Variants in INPP4B observed in about 807,000 individuals in gnomAD.
INPP4B encodes the protein inositol polyphosphate 4-phosphatase type II.
Under a neutral mutation model 122.5 loss-of-function variants are expected in INPP4B, and 55 were observed. That is an observed-to-expected ratio of 0.45 (90% CI 0.36 to 0.56). INPP4B has a LOEUF of 0.56. Ranked by LOEUF, INPP4B falls within the 20% of genes least tolerant of loss-of-function variation. The pLI, the probability that INPP4B is intolerant of heterozygous loss-of-function variation, is 0.00. For synonymous variants in INPP4B, 403 were observed against 388.7 expected, an observed-to-expected ratio of 1.04 and a Z score of -0.43; for missense variants, 1,000 against 1,097.7, an observed-to-expected ratio of 0.91 and a Z score of 1.26.
chr4:142,173,627 C>A lies in INPP4B; in HGVS notation c.1359+5G>T. ...TCCCAACTATAGTGATGATTTGGAT[C>A]TTACTTTTTCTGAAAGCATCTTTAA... On this transcript the variant is annotated splice_donor_5th_base_variant and intron_variant, in intron 16 of 25. Coordinates refer to ENST00000262992, the MANE Select transcript of INPP4B (RefSeq NM_001101669.3). 6.2e-7 allele frequency: 1 copy of A among 1,609,584 alleles called. No homozygotes were observed.
intron 14 of INPP4B, chr4:142,202,726 GCTT>G (rs1165971266): frequency 2.0e-6 from 2 of 983,870 alleles, no homozygotes; most frequent in African/African-American, 1.7e-5. Flanking sequence ...TATTAGTTAA[GCTT>G]CTTTTCATAC....
At chr4:142,047,092 C>G (rs916682729) in intron 25 of INPP4B, among the ~76,000 whole-genome samples, 5 of 152,078 alleles carry the variant, frequency 3.3e-5, no homozygotes, top group African/African-American at 9.7e-5. Flanking sequence ...CTGACACTTG[C>G]AACGATTCTC....
chr4:142,037,069 C>T (rs1744404455), intron 25 of INPP4B, among the ~76,000 whole-genome samples: 1 of 152,148 alleles, frequency 6.6e-6, no homozygotes, highest in South Asian at 2.1e-4. Context: ...TAGTTTTGGC[C>T]ATCACCGTGG....
intron 2 of INPP4B, among the ~76,000 whole-genome samples, chr4:142,578,132 A>C (rs1024152259): frequency 3.9e-5 from 6 of 151,926 alleles, no homozygotes; most frequent in Non-Finnish European, 2.9e-5. Flanking sequence ...CATATACATA[A>C]TGATGTTTAT....
At chr4:142,060,066 G>T (rs1469106209) in intron 25 of INPP4B, among the ~76,000 whole-genome samples, 2 of 152,126 alleles carry the variant, frequency 1.3e-5, no homozygotes, top group Non-Finnish European at 2.9e-5. Flanking sequence ...ATACATACGT[G>T]ACTGATTTTT....
intron 25 of INPP4B, among the ~76,000 whole-genome samples, chr4:142,038,554 T>C (rs1745369104): frequency 2.6e-5 from 4 of 152,178 alleles, no homozygotes; most frequent in Admixed American, 2.6e-4. Flanking sequence ...GTACTTTTCT[T>C]GACATGGTAT....
At chr4:142,724,094 G>GA (rs982567776) in intron 2 of INPP4B, among the ~76,000 whole-genome samples, 17 of 151,602 alleles carry the variant, frequency 1.1e-4, no homozygotes, top group African/African-American at 2.7e-4. Context: ...TTACATAATA[G>GA]AAAAAAAACA....
intron 11 of INPP4B, among the ~76,000 whole-genome samples, chr4:142,253,330 A>C (rs1466748649): frequency 6.6e-6 from 1 of 152,162 alleles, no homozygotes; most frequent in Non-Finnish European, 1.5e-5. Flanking sequence ...TTCTTTCTTC[A>C]ATAATAAATT....
intron 25 of INPP4B, among the ~76,000 whole-genome samples, chr4:142,079,909 T>C (rs1401661412): frequency 2.0e-5 from 3 of 152,146 alleles, no homozygotes; most frequent in African/African-American, 7.2e-5. Context: ...AGGATCATAA[T>C]TAGCTAGATT....
At chr4:142,594,044 G>A (rs1018107537) in intron 2 of INPP4B, among the ~76,000 whole-genome samples, 4 of 152,028 alleles carry the variant, frequency 2.6e-5, no homozygotes, top group Non-Finnish European at 4.4e-5. Flanking sequence ...AATTGAACTA[G>A]TTATGATTGG....
intron 7 of INPP4B, among the ~76,000 whole-genome samples, chr4:142,323,264 C>T (rs932977707): frequency 1.3e-5 from 2 of 152,038 alleles, no homozygotes; most frequent in Middle Eastern, 3.2e-3. Context: ...ACCACAGACA[C>T]GTGCATCATA....
intron 1 of INPP4B, among the ~76,000 whole-genome samples, chr4:142,817,009 G>T (rs1418575819): frequency 6.6e-6 from 1 of 152,066 alleles, no homozygotes; most frequent in Non-Finnish European, 1.5e-5. Flanking sequence ...AAGTTAATAT[G>T]AGTTAGTATA....
At chr4:142,457,198 A>T (rs1815648371) in intron 3 of INPP4B, among the ~76,000 whole-genome samples, 1 of 152,080 alleles carries the variant, frequency 6.6e-6, no homozygotes, top group South Asian at 2.1e-4. Context: ...GAAAATATAG[A>T]AGAAAATTCT....
intron 2 of INPP4B, among the ~76,000 whole-genome samples, chr4:142,691,332 T>G (rs962293510): frequency 2.7e-5 from 4 of 150,490 alleles, no homozygotes; most frequent in African/African-American, 9.8e-5. Context: ...GGCAAAGTTT[T>G]TTTTTTTTTT....
chr4:142,345,724 TAG>T (rs1780102785), intron 7 of INPP4B, among the ~76,000 whole-genome samples: 2 of 151,762 alleles, frequency 1.3e-5, no homozygotes, highest in African/African-American at 2.4e-5. Flanking sequence ...AACAAAAAAA[TAG>T]AGTTATAGTA....
At chr4:142,468,979 T>C (rs1408519155) in intron 2 of INPP4B, among the ~76,000 whole-genome samples, 1 of 152,176 alleles carries the variant, frequency 6.6e-6, no homozygotes, top group Non-Finnish European at 1.5e-5. Flanking sequence ...TAGATTAAAC[T>C]ATTTTTAAGA....
At chr4:142,440,343 T>C (rs1811419977) in intron 3 of INPP4B, among the ~76,000 whole-genome samples, 1 of 152,156 alleles carries the variant, frequency 6.6e-6, no homozygotes, top group Non-Finnish European at 1.5e-5. Context: ...AAATCCAGGA[T>C]GACTGCATGG....
intron 15 of INPP4B, among the ~76,000 whole-genome samples, chr4:142,192,380 T>G (rs1836364649): frequency 8.9e-6 from 1 of 111,746 alleles, no homozygotes; most frequent in African/African-American, 3.0e-5. Flanking sequence ...GAATAACTAT[T>G]TGAAAAGGAA....
chr4:142,259,346 A>G (rs1015634266), intron 11 of INPP4B, among the ~76,000 whole-genome samples: 3 of 151,614 alleles, frequency 2.0e-5, no homozygotes, highest in Non-Finnish European at 4.4e-5. Context: ...CTAAAACTTA[A>G]AGTATAATAA....
Sources: gnomAD v4.1 joint callset for allele counts (sites outside exome capture counted in the v4.1 genomes callset) on GRCh38, gnomAD v4.1.1 for gene constraint, MANE v1.5 for transcripts, NCBI Gene and HGNC (gene_info 2026-07-23, HGNC 2026-07-21) for gene names.